Variants in HMOX1 observed in about 807,000 individuals in gnomAD.
HMOX1 encodes heme oxygenase 1.
In HMOX1, 22 loss-of-function variants were observed where a neutral mutation model predicts 27.8. That is an observed-to-expected ratio of 0.79 (90% CI 0.57 to 1.13). HMOX1 has a LOEUF of 1.13. Among genes scored for constraint, HMOX1 ranks in the 50% most tolerant of loss-of-function variants. The pLI is 0.00. For missense variants in HMOX1, 379 were observed against 377.7 expected, an observed-to-expected ratio of 1.00 and a Z score of -0.03; for synonymous variants, 153 against 151.6, an observed-to-expected ratio of 1.01 and a Z score of -0.07.
chr22:35,389,780 C>A, intron 3 of HMOX1, 84 bp from the exon 4 acceptor site: 1 of 936,254 alleles, frequency 1.1e-6, no homozygotes, highest in Non-Finnish European at 1.7e-6. Flanking sequence ...AAAGTATTTC[C>A]TAACACAACT....
chr22:35,389,600 G>A (rs1357310072), intron 3 of HMOX1, among the ~76,000 whole-genome samples: 1 of 151,074 alleles, frequency 6.6e-6, no homozygotes, highest in African/African-American at 2.4e-5. Flanking sequence ...GCACCACCAC[G>A]CCCGGCTAAT....
Position 35,393,672 on chromosome 22 carries a change from T to C in HMOX1, c.*74T>C, listed in dbSNP as rs1446583871. ...CCTTCTTTCTAGAGAGGGAATTCTC[T>C]TGGCTGGCTTCCTTACCGTGGGCAC... On this transcript the variant is annotated 3_prime_UTR_variant, in exon 5 of 5. Coordinates refer to ENST00000216117, the MANE Select transcript of HMOX1 (RefSeq NM_002133.3). The C allele has an allele frequency of 5.8e-5, 93 of 1,591,308 alleles. No individual in the cohort carries two copies. The highest frequency in any genetic ancestry group is 7.7e-5 in the Non-Finnish European group (89 of 1,160,260).
chr22:35,386,060 A>G (rs1007184916), intron 2 of HMOX1, among the ~76,000 whole-genome samples: 3 of 151,702 alleles, frequency 2.0e-5, no homozygotes, highest in African/African-American at 4.9e-5. Context: ...GGTTCACGCC[A>G]TTCTCCTGCC....
At chr22:35,385,667 GCGCA>G (rs1931483849) in intron 2 of HMOX1, among the ~76,000 whole-genome samples, 1 of 147,628 alleles carries the variant, frequency 6.8e-6, no homozygotes, top group Admixed American at 6.8e-5. Flanking sequence ...CCAGGCTGGA[GCGCA>G]ATGGCGTGAT....
chr22:35,390,590 C>T (rs910528945), intron 4 of HMOX1, among the ~76,000 whole-genome samples: 9 of 152,080 alleles, frequency 5.9e-5, no homozygotes, highest in South Asian at 2.1e-4. Context: ...CAACCTTCAG[C>T]GTGTGGCTCT....
At chr22:35,388,582 T>G (rs1005176177) in intron 3 of HMOX1, among the ~76,000 whole-genome samples, 10 of 151,144 alleles carry the variant, frequency 6.6e-5, no homozygotes, top group Admixed American at 5.3e-4. Context: ...AGTCAGGAGA[T>G]CGAGACCATC....
chr22:35,383,863 C>T (rs746983747), intron 2 of HMOX1, among the ~76,000 whole-genome samples: 1 of 151,952 alleles, frequency 6.6e-6, no homozygotes, highest in African/African-American at 2.4e-5. Flanking sequence ...TGCTGTTTCC[C>T]AGCACTGTTG....
Position 35,392,551 on chromosome 22 carries a change from C to T in HMOX1, c.737-917C>T, listed in dbSNP as rs565973689. On this transcript the variant is annotated intron_variant, in intron 4 of 4. Coordinates refer to ENST00000216117, the MANE Select transcript of HMOX1 (RefSeq NM_002133.3). ...TTCTCTGGGGAAGCCCTTCTCATAG[C>T]CCAGGGCGGGGCTAGGATTGAAACC... Among the ~76,000 whole-genome samples the T allele has an allele frequency of 2.7e-4, 41 of 152,170 alleles. 1 individual carries two copies. The South Asian group carries it at 8.1e-3, about 30-fold the overall frequency.
Position 35,383,204 on chromosome 22 carries a change from A to G in HMOX1, c.122A>G (p.Gln41Arg), listed in dbSNP as rs1460096543. ...AEFMRNFQKG[Q>R]VTRDGFKLVM... Reference sequence around the variant, plus strand: ...TTCATGAGGAACTTTCAGAAGGGCCAGGTGACCCGAGACGGCTTCAAGGTA... The same window carrying G: ...TTCATGAGGAACTTTCAGAAGGGCCGGGTGACCCGAGACGGCTTCAAGGTA... The change falls in exon 2 of 5, where the codon CAG becomes CGG. Residue 41 changes from glutamine to arginine, a missense_variant. Transcript: ENST00000216117. 1.2e-6 allele frequency: 2 copies of G among 1,613,592 alleles called. No homozygotes were observed. The highest frequency in any genetic ancestry group is 4.5e-5 in the East Asian group (2 of 44,868).
chr22:35,389,832 T>G, intron 3 of HMOX1, 32 bp from the exon 4 acceptor site: 597 of 1,427,698 alleles, frequency 4.2e-4, no homozygotes, highest in Non-Finnish European at 5.2e-4. Flanking sequence ...CATCTCTCAC[T>G]GAGATAGGCA....
rs1601743986 is a variant in HMOX1 at position 35,389,779 on chromosome 22, C to T, written c.637-85C>T. ...CCATCTTGTTATTTCCAAAGTATTT[C>T]CTAACACAACTTAAGGTCCTACCTT... On this transcript the variant is annotated intron_variant, in intron 3 of 4. Transcript: ENST00000216117. 4 of 924,314 alleles carry T rather than the reference C, an allele frequency of 4.3e-6. No individual in the cohort carries two copies. The East Asian group carries it at 1.0e-4, about 24-fold the overall frequency. The allele number at this position is 924,314 out of a possible 1,614,324, so 57.3% of individuals were successfully genotyped here.
At chr22:35,393,319 G>C in intron 4 of HMOX1, 149 bp from the exon 5 acceptor site, 1 of 917,996 alleles carries the variant, frequency 1.1e-6, no homozygotes, top group Non-Finnish European at 1.8e-6. Context: ...AGTGGCTAGA[G>C]GGACACCTGT....
intron 3 of HMOX1, among the ~76,000 whole-genome samples, chr22:35,388,272 G>A (rs1931556724): frequency 2.6e-5 from 4 of 151,726 alleles, no homozygotes; most frequent in Admixed American, 2.6e-4. Flanking sequence ...GCAACACAGT[G>A]AGACCCCATC....
Position 35,383,422 on chromosome 22 carries a change from C to G in HMOX1, c.144+196C>G, listed in dbSNP as rs188592960. ...AAGGTCACACAGCAAGTTCAGCCTG[C>G]TCTGTAATGTTGTGGAGGGGCTGGG... is the stretch of plus-strand genomic sequence containing the variant. On this transcript the variant is annotated intron_variant, in intron 2 of 4. Transcript: ENST00000216117. 1.5e-3 allele frequency among the ~76,000 whole-genome samples: 228 copies of G among 152,242 alleles called. No homozygotes were observed. The highest frequency in any genetic ancestry group is 5.2e-3 in the African/African-American group (218 of 41,536).
chr22:35,382,966 G>A, intron 1 of HMOX1, 140 bp from the exon 2 acceptor site: 3 of 1,204,882 alleles, frequency 2.5e-6, no homozygotes, highest in African/African-American at 1.5e-5. Context: ...CCACAAGGCT[G>A]CATCTTAAAG....
chr22:35,388,592 CCTGA>C (rs901515083), intron 3 of HMOX1, among the ~76,000 whole-genome samples: 1 of 151,778 alleles, frequency 6.6e-6, no homozygotes, highest in Non-Finnish European at 1.5e-5. Flanking sequence ...TCGAGACCAT[CCTGA>C]CTAACACGGT....
chr22:35,389,381 T>TTCCC lies in HMOX1; in HGVS notation c.637-480_637-479insCTCC, dbSNP rs1569057526. Among the ~76,000 whole-genome samples, 3 of 71,856 alleles carry TTCCC rather than the reference T, an allele frequency of 4.2e-5. 1 individual carries two copies. The highest frequency in any genetic ancestry group is 7.6e-5 in the Non-Finnish European group (3 of 39,574). 47.1% of individuals were successfully genotyped at this position (71,856 alleles called of 152,430 possible). A position where few individuals can be genotyped will look rare whatever the true frequency, so the allele number is the denominator to read the frequency against. ...CTTCCTTCCTTCCTTCCTTCCTTCC[T>TTCCC]TCCTTCCTTCCTTCCTTTCTTTCTT... On this transcript the variant is annotated intron_variant, in intron 3 of 4. Coordinates refer to ENST00000216117, the MANE Select transcript of HMOX1 (RefSeq NM_002133.3).
At chr22:35,389,347 CCT>C (rs1569057437) in intron 3 of HMOX1, among the ~76,000 whole-genome samples, 20 of 35,982 alleles carry the variant, frequency 5.6e-4, no homozygotes, top group East Asian at 8.4e-4. Flanking sequence ...TCTTCTCCTT[CCT>C]TCCTTCCTTC....
chr22:35,390,328 A>T (rs1471625180), intron 4 of HMOX1: 20 of 322,428 alleles, frequency 6.2e-5, no homozygotes, highest in Non-Finnish European at 5.5e-5. Context: ...GGTTCAAGCA[A>T]TTATCCTGCC....
Sources: allele counts gnomAD v4.1 joint callset (sites outside exome capture counted in the v4.1 genomes callset), GRCh38; gene constraint gnomAD v4.1.1; transcripts MANE v1.5; gene names NCBI Gene and HGNC (gene_info 2026-07-23, HGNC 2026-07-21).